The following GLT1D1 variants were observed in gnomAD, a reference collection of about 807,000 sequenced individuals.
The protein encoded by GLT1D1 is glycosyltransferase 1 domain-containing protein 1.
A neutral mutation model predicts 28.7 loss-of-function variants in GLT1D1; 21 were observed. The observed-to-expected ratio is 0.73, with a 90% CI of 0.52 to 1.05. GLT1D1 has a LOEUF of 1.05. Ranked by LOEUF, GLT1D1 falls within the 50% of genes least tolerant of loss-of-function variation. The pLI, the probability that GLT1D1 is intolerant of heterozygous loss-of-function variation, is 0.00. For missense variants in GLT1D1, 343 were observed against 330.6 expected (o/e 1.04, Z -0.29); for synonymous variants, 147 against 124.8 (o/e 1.18, Z -1.19).
intron 6 of GLT1D1, among the ~76,000 whole-genome samples, chr12:128,951,129 G>A (rs369899972): frequency 7.9e-5 from 12 of 152,244 alleles, no homozygotes; most frequent in Admixed American, 5.9e-4. Flanking sequence ...GTGGCCGGGC[G>A]CGGTGGCTCA....
intron 3 of GLT1D1, among the ~76,000 whole-genome samples, chr12:128,896,674 G>A (rs1242665285): frequency 6.7e-6 from 1 of 149,548 alleles, no homozygotes; most frequent in Non-Finnish European, 1.5e-5. Context: ...CCGCCTCCCA[G>A]GTTCAAGCGG....
intron 2 of GLT1D1, among the ~76,000 whole-genome samples, chr12:128,887,056 G>A (rs1383435713): frequency 6.6e-6 from 1 of 150,386 alleles, no homozygotes; most frequent in Non-Finnish European, 1.5e-5. Context: ...CTATCACCCA[G>A]GCTGCAGTGC....
At chr12:128,947,555 G>A (rs1876259464) in intron 6 of GLT1D1, 97 bp downstream of exon 10, 1 of 1,421,412 alleles carries the variant, frequency 7.0e-7, no homozygotes, top group African/African-American at 1.4e-5. Context: ...ATAACATTCT[G>A]CACTTCTCAA....
chr12:128,967,929 A>G (rs1219189079), intron 7 of GLT1D1, among the ~76,000 whole-genome samples: 1 of 152,242 alleles, frequency 6.6e-6, no homozygotes, highest in East Asian at 1.9e-4. Flanking sequence ...AGTTAAGCCC[A>G]GAGGAAACTC....
At chr12:128,916,316 A>T (rs1566130124) in intron 4 of GLT1D1, among the ~76,000 whole-genome samples, 2 of 152,174 alleles carry the variant, frequency 1.3e-5, no homozygotes, top group Admixed American at 6.5e-5. Context: ...TTACAAATAC[A>T]TTTACTATGA....
intron 1 of GLT1D1, among the ~76,000 whole-genome samples, chr12:128,866,492 C>A (rs1450614046): frequency 2.0e-5 from 3 of 151,812 alleles, no homozygotes; most frequent in Non-Finnish European, 2.9e-5. Context: ...TCCTGCCCCC[C>A]ACCAAGCCCC....
intron 1 of GLT1D1, among the ~76,000 whole-genome samples, chr12:128,866,823 G>T (rs1593052281): frequency 6.6e-6 from 1 of 151,746 alleles, no homozygotes; most frequent in African/African-American, 2.4e-5. Context: ...GTTTCACCTT[G>T]TTGGCCAGGC....
At chr12:128,930,171 C>G (rs1301609994) in intron 4 of GLT1D1, 4 of 152,112 alleles carry the variant, frequency 2.6e-5, no homozygotes, top group Non-Finnish European at 5.9e-5. Flanking sequence ...CATGTTAAGT[C>G]CCATAGAGGT....
intron 3 of GLT1D1, among the ~76,000 whole-genome samples, chr12:128,898,368 G>C (rs1869885979): frequency 6.6e-6 from 1 of 151,968 alleles, no homozygotes; most frequent in Non-Finnish European, 1.5e-5. Context: ...TAGAGATGGG[G>C]GTCTCCCTAT....
intron 5 of GLT1D1, among the ~76,000 whole-genome samples, chr12:128,945,704 C>G (rs2135490650): frequency 6.6e-6 from 1 of 152,286 alleles, no homozygotes; most frequent in Non-Finnish European, 1.5e-5. Context: ...TTATAAGTTG[C>G]ATTTGTCGGC....
chr12:128,919,442 C>A (rs1872430572), intron 4 of GLT1D1, among the ~76,000 whole-genome samples: 1 of 152,144 alleles, frequency 6.6e-6, no homozygotes, highest in South Asian at 2.1e-4. Context: ...TGTCTGATGT[C>A]CACGTGGCGA....
At chr12:128,944,487 C>G in intron 4 of GLT1D1, 1 of 1,194,716 alleles carries the variant, frequency 8.4e-7, no homozygotes, top group Non-Finnish European at 1.2e-6. Flanking sequence ...TGAGCGGCTC[C>G]CCTGTCAGAG....
At chr12:128,874,059 C>CCCTCCTTT (rs1555261542) in intron 1 of GLT1D1, among the ~76,000 whole-genome samples, 1 of 34,706 alleles carries the variant, frequency 2.9e-5, no homozygotes, top group African/African-American at 1.5e-4. Flanking sequence ...CTCCCTCCCT[C>CCCTCCTTT]CTTTCTTTCT....
At chr12:128,933,999 C>G (rs953213169) in intron 4 of GLT1D1, among the ~76,000 whole-genome samples, 1 of 152,100 alleles carries the variant, frequency 6.6e-6, no homozygotes, top group Non-Finnish European at 1.5e-5. Context: ...CACCCTGAAT[C>G]TCACCACTAT....
At chr12:128,887,538 AAG>A (rs1868544272) in intron 2 of GLT1D1, among the ~76,000 whole-genome samples, 1 of 151,434 alleles carries the variant, frequency 6.6e-6, no homozygotes, top group African/African-American at 2.4e-5. Flanking sequence ...TCCAAAAAAA[AAG>A]AGTTGGTCTT....
intron 4 of GLT1D1, among the ~76,000 whole-genome samples, chr12:128,924,104 C>T (rs911582322): frequency 2.0e-5 from 3 of 152,002 alleles, no homozygotes; most frequent in Non-Finnish European, 4.4e-5. Context: ...GTGTCCAGGG[C>T]CTCATGCAGC....
chr12:128,974,985 C>T (rs571288516), intron 7 of GLT1D1, among the ~76,000 whole-genome samples: 4 of 152,308 alleles, frequency 2.6e-5, no homozygotes, highest in South Asian at 2.1e-4. Flanking sequence ...GAAGATGAAT[C>T]GGATGGGAAT....
At chr12:128,876,921 A>G (rs140353415) in intron 2 of GLT1D1, among the ~76,000 whole-genome samples, 137 of 152,358 alleles carry the variant, frequency 9.0e-4, no homozygotes, top group African/African-American at 3.1e-3. Flanking sequence ...ACACAAAGCT[A>G]CAAATGGCTT....
chr12:128,899,816 TGCC>T (rs2135854034), intron 4 of GLT1D1, among the ~76,000 whole-genome samples: 2 of 152,226 alleles, frequency 1.3e-5, no homozygotes, highest in South Asian at 4.1e-4. Flanking sequence ...CATCCCAAAG[TGCC>T]GGGATTACAG....
Sources: gnomAD v4.1 joint callset for allele counts (sites outside exome capture counted in the v4.1 genomes callset) on GRCh38, gnomAD v4.1.1 for gene constraint, MANE v1.5 for transcripts, NCBI Gene and HGNC (gene_info 2026-07-23, HGNC 2026-07-21) for gene names.